COPG2: variants seen among roughly 807,000 people sequenced by gnomAD.
The protein encoded by COPG2 is coatomer subunit gamma-2.
COPG2 carries 37 observed loss-of-function variants against 46.3 expected under a neutral mutation model. That is an observed-to-expected ratio of 0.80 (90% CI 0.61 to 1.05). The LOEUF is 1.05. Among genes scored for constraint, COPG2 ranks in the 50% least tolerant of loss-of-function variants. The probability of loss-of-function intolerance (pLI) is 0.00; values close to 1 mark genes in which losing one functional copy is unlikely to be tolerated. For synonymous variants in COPG2, 159 were observed against 129.7 expected, an observed-to-expected ratio of 1.23 and a Z score of -1.53; for missense variants, 427 against 387.8, an observed-to-expected ratio of 1.10 and a Z score of -0.85.
intron 4 of COPG2, among the ~76,000 whole-genome samples, chr7:130,660,727 C>A (rs2116260135): frequency 6.6e-6 from 1 of 152,254 alleles, no homozygotes; most frequent in Admixed American, 6.5e-5. Context: ...CCAATGATGC[C>A]ATCCTCCCTA....
At chr7:130,645,860 G>A (rs1177681784) in intron 5 of COPG2, among the ~76,000 whole-genome samples, 1 of 152,048 alleles carries the variant, frequency 6.6e-6, no homozygotes. Context: ...ATCATTACTT[G>A]GCCCTCCAGA....
At chr7:130,609,838 AT>A (rs1363468666) in intron 9 of COPG2, among the ~76,000 whole-genome samples, 5 of 151,930 alleles carry the variant, frequency 3.3e-5, no homozygotes, top group African/African-American at 7.2e-5. Context: ...TTGGTTCAAG[AT>A]TTTTTTTCTA....
chr7:130,602,092 C>A (rs1304407932), intron 9 of COPG2, among the ~76,000 whole-genome samples: 1 of 152,200 alleles, frequency 6.6e-6, no homozygotes, highest in Non-Finnish European at 1.5e-5. Flanking sequence ...TGGACAGATT[C>A]TCTCAGATCC....
At chr7:130,538,763 G>C (rs1799908916) in intron 20 of COPG2, among the ~76,000 whole-genome samples, 1 of 152,110 alleles carries the variant, frequency 6.6e-6, no homozygotes, top group Admixed American at 6.5e-5. Flanking sequence ...GGAACTAATG[G>C]AGAGAAGACA....
chr7:130,576,306 C>A (rs559366151), intron 9 of COPG2, among the ~76,000 whole-genome samples: 148 of 152,170 alleles, frequency 9.7e-4, no homozygotes, highest in African/African-American at 3.2e-3. Flanking sequence ...CAAGACAGGC[C>A]ATATGATAGG....
chr7:130,603,721 CAAAAAAAAA>C (rs782190006), intron 9 of COPG2: 22 of 203,046 alleles, frequency 1.1e-4, no homozygotes, highest in Non-Finnish European at 2.0e-4. Flanking sequence ...AACTCAGTCT[CAAAAAAAAA>C]AAAAAAAAAA....
chr7:130,646,438 T>C (rs1795595868), intron 5 of COPG2, among the ~76,000 whole-genome samples: 1 of 152,112 alleles, frequency 6.6e-6, no homozygotes. Flanking sequence ...ATAAATGTAA[T>C]GTTTGTTCTT....
intron 5 of COPG2, among the ~76,000 whole-genome samples, chr7:130,629,396 A>G (rs1304411909): frequency 8.3e-6 from 1 of 121,076 alleles, no homozygotes; most frequent in Non-Finnish European, 1.9e-5. Flanking sequence ...TATTATTATT[A>G]TCATTTTTTT....
In COPG2 at chr7:130,513,937, A is replaced by G. The variant is rs149034677; in HGVS notation, c.2150-5278T>C. ...GGAGGGATACGGCCCCATAAGTGTA[A>G]GATTAAATAAGGAGAGACTGGAAAC... On this transcript the variant is annotated intron_variant, in intron 20 of 23. Coordinates refer to ENST00000425248, the MANE Select transcript of COPG2 (RefSeq NM_012133.6). Among the ~76,000 whole-genome samples the G allele has an allele frequency of 1.0e-3, 155 of 152,314 alleles. 3 individuals are homozygous for G. The East Asian group carries it at 0.029, about 28-fold the overall frequency.
At chr7:130,564,229 A>G in intron 10 of COPG2, 31 bp downstream of exon 10, 1 of 398,602 alleles carries the variant, frequency 2.5e-6, no homozygotes, top group Non-Finnish European at 4.4e-6. Context: ...ACTTAGGAAC[A>G]TAAAAGCCAG....
intron 9 of COPG2, among the ~76,000 whole-genome samples, chr7:130,592,400 A>T (rs2116465323): frequency 6.6e-6 from 1 of 151,988 alleles, no homozygotes; most frequent in Admixed American, 6.5e-5. Flanking sequence ...ATGATCAAAA[A>T]AAAAAAAAAA....
chr7:130,528,446 C>T (rs2116355239), intron 20 of COPG2, among the ~76,000 whole-genome samples: 1 of 151,978 alleles, frequency 6.6e-6, no homozygotes, highest in Non-Finnish European at 1.5e-5. Context: ...GGATTCAGTG[C>T]AGTACGTGTG....
chr7:130,635,267 G>A (rs6945189), intron 5 of COPG2, among the ~76,000 whole-genome samples: 120,685 of 151,770 alleles, frequency 0.8, 48,281 homozygotes, highest in Non-Finnish European at 0.85. Flanking sequence ...ATTGTTTGGA[G>A]CAGTTTCAGA....
intron 20 of COPG2, among the ~76,000 whole-genome samples, chr7:130,524,406 A>C (rs1017302197): frequency 1.3e-5 from 2 of 152,174 alleles, no homozygotes; most frequent in Admixed American, 6.5e-5. Context: ...AAGCAGGAGA[A>C]ACGACCAACC....
chr7:130,630,550 CTA>C (rs1383236318), intron 5 of COPG2, among the ~76,000 whole-genome samples: 3 of 152,128 alleles, frequency 2.0e-5, no homozygotes, highest in African/African-American at 7.2e-5. Flanking sequence ...TATACTTGCT[CTA>C]TGTTTTTGAG....
At chr7:130,529,608 C>G (rs1270321542) in intron 20 of COPG2, among the ~76,000 whole-genome samples, 1 of 152,098 alleles carries the variant, frequency 6.6e-6, no homozygotes, top group Admixed American at 6.5e-5. Context: ...ACCACAGAGG[C>G]AGAATGAAGC....
chr7:130,621,459 A>G (rs533082929), intron 5 of COPG2, among the ~76,000 whole-genome samples: 28 of 152,244 alleles, frequency 1.8e-4, no homozygotes, highest in Non-Finnish European at 4.0e-4. Context: ...CTGTAGCTGC[A>G]GCACAAAGGC....
chr7:130,559,766 T>TA (rs2116399924), intron 12 of COPG2, among the ~76,000 whole-genome samples: 1 of 152,330 alleles, frequency 6.6e-6, no homozygotes, highest in Admixed American at 6.5e-5. Context: ...CAGCAACTGC[T>TA]ACACCAGATG....
intron 9 of COPG2, among the ~76,000 whole-genome samples, chr7:130,597,294 G>A (rs1483011869): frequency 1.3e-5 from 2 of 152,220 alleles, no homozygotes; most frequent in African/African-American, 4.8e-5. Context: ...TGGGGGTGCT[G>A]GGACTATCTG....
Sources: allele counts gnomAD v4.1 joint callset (sites outside exome capture counted in the v4.1 genomes callset), GRCh38; gene constraint gnomAD v4.1.1; transcripts MANE v1.5; gene names NCBI Gene and HGNC (gene_info 2026-07-23, HGNC 2026-07-21).